Variants in BMPR1B observed in about 807,000 individuals in gnomAD.
BMPR1B encodes bone morphogenetic protein receptor type 1B.
A neutral mutation model predicts 59.1 loss-of-function variants in BMPR1B; 12 were observed. The observed-to-expected ratio is 0.20, with a 90% CI of 0.13 to 0.33. The LOEUF is 0.33. Among genes scored for constraint, BMPR1B ranks in the 10% least tolerant of loss-of-function variants. BMPR1B has a pLI of 1.00. For synonymous variants in BMPR1B, 237 were observed against 207.3 expected, an observed-to-expected ratio of 1.14 and a Z score of -1.23; for missense variants, 550 against 610.9, an observed-to-expected ratio of 0.90 and a Z score of 1.05.
chr4:95,143,334 A>C (rs889108979), intron 10 of BMPR1B, among the ~76,000 whole-genome samples: 1 of 152,214 alleles, frequency 6.6e-6, no homozygotes, highest in African/African-American at 2.4e-5. Context: ...TGGCTAAAAT[A>C]TGTCTCCTGG....
At chr4:95,151,721 A>G (rs764055954) in intron 11 of BMPR1B, among the ~76,000 whole-genome samples, 2 of 152,162 alleles carry the variant, frequency 1.3e-5, no homozygotes, top group African/African-American at 4.8e-5. Flanking sequence ...GTGATATATA[A>G]TCTGCCAACT....
chr4:95,012,784 T>C (rs1723313407), intron 3 of BMPR1B, among the ~76,000 whole-genome samples: 1 of 152,134 alleles, frequency 6.6e-6, no homozygotes, highest in Admixed American at 6.5e-5. Context: ...AAATAGGCTT[T>C]TATAACACAA....
At chr4:95,032,131 A>G (rs1463710019) in intron 3 of BMPR1B, among the ~76,000 whole-genome samples, 1 of 151,998 alleles carries the variant, frequency 6.6e-6, no homozygotes, top group Non-Finnish European at 1.5e-5. Context: ...TATTTTTCAC[A>G]GTTCTGGGGA....
intron 3 of BMPR1B, among the ~76,000 whole-genome samples, chr4:95,020,456 G>C (rs1312441634): frequency 7.9e-5 from 12 of 152,116 alleles, no homozygotes; most frequent in Admixed American, 7.9e-4. Flanking sequence ...GTACATGCCT[G>C]TAGTCCCAAG....
At chr4:94,998,174 T>C (rs566755267) in intron 3 of BMPR1B, among the ~76,000 whole-genome samples, 101 of 152,182 alleles carry the variant, frequency 6.6e-4, no homozygotes, top group Non-Finnish European at 1.2e-3. Context: ...CATCCTGACA[T>C]TGGTTATCAT....
chr4:95,153,687 A>C lies in BMPR1B; in HGVS notation c.1384-861A>C, dbSNP rs150322614. On this transcript the variant is annotated intron_variant, in intron 12 of 12. Transcript: ENST00000515059. ...AATATAGTGAAAACCCATCTCTATTAAAAAATACAAACAATAGCCTAGTGT... is the reference window on the plus strand; with the variant it reads ...AATATAGTGAAAACCCATCTCTATTCAAAAATACAAACAATAGCCTAGTGT... Among the ~76,000 whole-genome samples, 81 of 152,246 alleles carry C rather than the reference A, an allele frequency of 5.3e-4. No homozygotes were observed. The East Asian group carries it at 0.015, about 28-fold the overall frequency.
At chr4:95,033,402 C>T (rs1725020584) in intron 3 of BMPR1B, among the ~76,000 whole-genome samples, 1 of 151,326 alleles carries the variant, frequency 6.6e-6, no homozygotes, top group Admixed American at 6.6e-5. Flanking sequence ...GTGTTTTCTT[C>T]TAAGAGTTTT....
intron 2 of BMPR1B, among the ~76,000 whole-genome samples, chr4:94,987,131 TATGTA>T (rs1721465902): frequency 6.9e-6 from 1 of 145,106 alleles, no homozygotes; most frequent in African/African-American, 2.5e-5. Context: ...TATATATGTA[TATGTA>T]ATATATATAA....
At chr4:95,005,774 T>C (rs899637099) in intron 3 of BMPR1B, among the ~76,000 whole-genome samples, 2 of 152,218 alleles carry the variant, frequency 1.3e-5, no homozygotes, top group Admixed American at 6.6e-5. Context: ...TGCCCAATTA[T>C]GTTAGAAAAC....
chr4:95,147,097 G>A (rs528011109), intron 10 of BMPR1B, among the ~76,000 whole-genome samples: 14 of 151,502 alleles, frequency 9.2e-5, no homozygotes, highest in East Asian at 1.9e-4. Flanking sequence ...TTTTTTTAAC[G>A]TCTTAACTTT....
At chr4:94,874,172 C>T (rs904835983) in intron 1 of BMPR1B, among the ~76,000 whole-genome samples, 12 of 151,984 alleles carry the variant, frequency 7.9e-5, no homozygotes, top group African/African-American at 2.2e-4. Flanking sequence ...TATATATATA[C>T]ATACCACATT....
intron 2 of BMPR1B, among the ~76,000 whole-genome samples, chr4:94,957,333 GTTTTTTTTTTTTTTT>G (rs56341742): frequency 3.0e-5 from 2 of 65,638 alleles, no homozygotes; most frequent in Non-Finnish European, 5.7e-5. Context: ...CCTGTTTCGT[GTTTTTTTTTTTTTTT>G]TTTTTTTTTT....
At chr4:95,072,572 TA>T (rs1728390303) in intron 3 of BMPR1B, among the ~76,000 whole-genome samples, 1 of 152,160 alleles carries the variant, frequency 6.6e-6, no homozygotes, top group Non-Finnish European at 1.5e-5. Context: ...CTACAAGTCT[TA>T]AGTAGTTGTA....
chr4:95,062,971 G>A (rs760566418), intron 3 of BMPR1B, among the ~76,000 whole-genome samples: 1 of 151,758 alleles, frequency 6.6e-6, no homozygotes, highest in Non-Finnish European at 1.5e-5. Context: ...GCTACTTAAG[G>A]GCTTTTAAAA....
chr4:95,063,971 A>G (rs1407445346), intron 3 of BMPR1B, among the ~76,000 whole-genome samples: 1 of 152,174 alleles, frequency 6.6e-6, no homozygotes, highest in Non-Finnish European at 1.5e-5. Context: ...CAAAATAATT[A>G]GCAGTTTTAG....
chr4:94,889,256 G>A (rs775248581), intron 2 of BMPR1B, among the ~76,000 whole-genome samples: 1 of 151,814 alleles, frequency 6.6e-6, no homozygotes, highest in Non-Finnish European at 1.5e-5. Context: ...TATTTTTATC[G>A]TAATTTGCCT....
chr4:94,970,306 T>C (rs774633600), intron 2 of BMPR1B, among the ~76,000 whole-genome samples: 11,347 of 96,448 alleles, frequency 0.12, 529 homozygotes, highest in South Asian at 0.14. Flanking sequence ...CTTCTCTTCT[T>C]TCTCTCTCTC....
At chr4:94,841,389 G>A (rs1197387297) in intron 1 of BMPR1B, among the ~76,000 whole-genome samples, 5 of 150,834 alleles carry the variant, frequency 3.3e-5, no homozygotes, top group African/African-American at 1.2e-4. Flanking sequence ...TTTGATCTCA[G>A]ACTGCTGTGC....
At chr4:95,129,772 T>C in intron 8 of BMPR1B, 90 bp from the exon 9 acceptor site, 3 of 1,247,516 alleles carry the variant, frequency 2.4e-6, no homozygotes, top group South Asian at 1.3e-5. Flanking sequence ...ATATTTTACA[T>C]GCAGTAATCG....
Sources: gnomAD v4.1 joint callset for allele counts (sites outside exome capture counted in the v4.1 genomes callset) on GRCh38, gnomAD v4.1.1 for gene constraint, MANE v1.5 for transcripts, NCBI Gene and HGNC (gene_info 2026-07-23, HGNC 2026-07-21) for gene names.